SIPA1L2: variants seen among roughly 807,000 people sequenced by gnomAD.
SIPA1L2 encodes the protein signal induced proliferation associated 1 like 2, also known as signal-induced proliferation-associated 1-like protein 2.
SIPA1L2 carries 56 observed loss-of-function variants against 163.9 expected under a neutral mutation model. The observed-to-expected ratio is 0.34, with a 90% CI of 0.28 to 0.43. The LOEUF (loss-of-function observed/expected upper bound fraction) is 0.43. SIPA1L2 is among the 20% of genes least tolerant of loss of function. The pLI is 1.00. For missense variants in SIPA1L2, 1,974 were observed against 2,193.5 expected (o/e 0.90, Z 2.00); for synonymous variants, 877 against 865.7 (o/e 1.01, Z -0.23).
chr1:232,627,296 A>C (rs1402397753), intron 1 of SIPA1L2, among the ~76,000 whole-genome samples: 1 of 152,224 alleles, frequency 6.6e-6, no homozygotes, highest in Non-Finnish European at 1.5e-5. Context: ...AATCCCTTTA[A>C]ACTAGTTTCG....
intron 1 of SIPA1L2, among the ~76,000 whole-genome samples, chr1:232,606,281 T>C (rs554529070): frequency 1.8e-4 from 28 of 152,190 alleles, no homozygotes; most frequent in Non-Finnish European, 3.7e-4. Context: ...TTAACAGGCG[T>C]GAAAGAGGAA....
intron 2 of SIPA1L2, among the ~76,000 whole-genome samples, chr1:232,534,461 T>A (rs1657181892): frequency 6.6e-6 from 1 of 152,204 alleles, no homozygotes; most frequent in Admixed American, 6.5e-5. Flanking sequence ...GGAAGAACGC[T>A]TCACCATATA....
chr1:232,421,822 G>C (rs16857060), intron 18 of SIPA1L2, among the ~76,000 whole-genome samples: 1 of 152,252 alleles, frequency 6.6e-6, no homozygotes, highest in African/African-American at 2.4e-5. Context: ...TGTGATGTGC[G>C]TAGGTCAGAA....
chr1:232,580,419 G>C (rs1217901339), intron 1 of SIPA1L2, among the ~76,000 whole-genome samples: 1 of 152,140 alleles, frequency 6.6e-6, no homozygotes, highest in Non-Finnish European at 1.5e-5. Context: ...CTGTGACTAA[G>C]AATGTCTAAC....
At chr1:232,606,408 G>GT (rs1372815560) in intron 1 of SIPA1L2, among the ~76,000 whole-genome samples, 2 of 152,084 alleles carry the variant, frequency 1.3e-5, no homozygotes, top group African/African-American at 4.8e-5. Flanking sequence ...AGACATAGAA[G>GT]TTATCTGGGT....
intron 2 of SIPA1L2, among the ~76,000 whole-genome samples, chr1:232,547,054 A>T (rs536645933): frequency 7.4e-4 from 112 of 152,368 alleles, no homozygotes; most frequent in South Asian, 2.9e-3. Context: ...AGGATACACA[A>T]GAAACTAGTA....
chr1:232,557,207 T>C (rs2102734599), intron 2 of SIPA1L2, among the ~76,000 whole-genome samples: 1 of 152,158 alleles, frequency 6.6e-6, no homozygotes, highest in South Asian at 2.1e-4. Context: ...ACAGGACAAA[T>C]AGGAAGATAT....
chr1:232,624,840 G>C (rs1033613418), intron 1 of SIPA1L2, among the ~76,000 whole-genome samples: 7 of 152,218 alleles, frequency 4.6e-5, no homozygotes, highest in African/African-American at 1.7e-4. Flanking sequence ...AGACTGTGGT[G>C]TTCTTCCCCA....
chr1:232,629,418 C>T (rs1663250360), intron 1 of SIPA1L2, among the ~76,000 whole-genome samples: 1 of 152,188 alleles, frequency 6.6e-6, no homozygotes, highest in South Asian at 2.1e-4. Flanking sequence ...AGGGCGCGCG[C>T]TCCGGGCGCA....
chr1:232,468,250 G>A (rs1324713093), intron 8 of SIPA1L2, among the ~76,000 whole-genome samples: 1 of 152,148 alleles, frequency 6.6e-6, no homozygotes, highest in Non-Finnish European at 1.5e-5. Flanking sequence ...CAAATAACTC[G>A]ATAGCATTTA....
chr1:232,420,424 T>C (rs1310383751), intron 18 of SIPA1L2, among the ~76,000 whole-genome samples: 2 of 152,182 alleles, frequency 1.3e-5, no homozygotes, highest in Non-Finnish European at 2.9e-5. Context: ...AACTGTCTTG[T>C]CTCCTCAGTT....
chr1:232,529,592 T>C (rs1318649482), intron 2 of SIPA1L2, among the ~76,000 whole-genome samples: 3 of 152,184 alleles, frequency 2.0e-5, no homozygotes, highest in African/African-American at 7.2e-5. Context: ...TTTCCTGCTG[T>C]TGTTCTTGGC....
intron 1 of SIPA1L2, among the ~76,000 whole-genome samples, chr1:232,576,700 C>T (rs928544178): frequency 2.6e-5 from 4 of 152,104 alleles, no homozygotes; most frequent in Non-Finnish European, 1.5e-5. Flanking sequence ...ACAGCCAAGT[C>T]GCGAATACAA....
rs559460200 is a variant in SIPA1L2, at chr1:232,620,559, A to G, written c.-319+9310T>C. Among the ~76,000 whole-genome samples, 54 of 152,362 alleles carry G rather than the reference A, an allele frequency of 3.5e-4. No individual in the cohort carries two copies. In the South Asian group the frequency reaches 0.011, roughly 30 times the overall value. On this transcript the variant is annotated intron_variant, in intron 1 of 22. Coordinates refer to ENST00000674635, the MANE Select transcript of SIPA1L2 (RefSeq NM_020808.5). ...AGCTTATCTCAGAAAGAACTAAGTTACGGTGCCAAGCTAAGAGGATGAATT... is the reference window on the plus strand; with the variant it reads ...AGCTTATCTCAGAAAGAACTAAGTTGCGGTGCCAAGCTAAGAGGATGAATT...
chr1:232,402,387 A>T lies in SIPA1L2; in HGVS notation c.5022+5T>A. 1 of 1,612,402 alleles carries T rather than the reference A, an allele frequency of 6.2e-7. No homozygotes were observed. The highest frequency in any genetic ancestry group is 8.5e-7 in the Non-Finnish European group (1 of 1,178,788). On this transcript the variant is annotated splice_donor_5th_base_variant and intron_variant, in intron 22 of 22. Transcript: ENST00000674635. Reference sequence around the variant, plus strand: ...AGTTCTGATTATGCTCTTCCAATTGATTACCTTCCGAAGGTCGGTCTGGAG... The same window carrying T: ...AGTTCTGATTATGCTCTTCCAATTGTTTACCTTCCGAAGGTCGGTCTGGAG...
rs112082266 is a variant in SIPA1L2 at position 232,613,005 on chromosome 1, C to G, written c.-319+16864G>C. Among the ~76,000 whole-genome samples, 578 of 152,232 alleles carry G rather than the reference C, an allele frequency of 3.8e-3. 5 individuals are homozygous for G. Among genetic ancestry groups the G allele is most frequent in the African/African-American group, 0.012 (509 of 41,518 alleles). ...TTTCCCCCATACTGTTCTCGTGGTACTGAATAAGTCTCACGAGATCTGATG... is the reference window on the plus strand; with the variant it reads ...TTTCCCCCATACTGTTCTCGTGGTAGTGAATAAGTCTCACGAGATCTGATG... On this transcript the variant is annotated intron_variant, in intron 1 of 22. Transcript: ENST00000674635.
intron 15 of SIPA1L2, among the ~76,000 whole-genome samples, chr1:232,437,034 T>C (rs1662606605): frequency 6.6e-6 from 1 of 152,186 alleles, no homozygotes; most frequent in African/African-American, 2.4e-5. Context: ...AAATCCAATC[T>C]AGCACTGTCA....
chr1:232,476,778 A>C (rs1372986450), intron 7 of SIPA1L2, among the ~76,000 whole-genome samples: 1 of 152,204 alleles, frequency 6.6e-6, no homozygotes, highest in African/African-American at 2.4e-5. Context: ...CTTTTAATAC[A>C]TCTTGGAATT....
At chr1:232,526,718 A>G (rs185577379) in intron 2 of SIPA1L2, among the ~76,000 whole-genome samples, 1 of 152,288 alleles carries the variant, frequency 6.6e-6, no homozygotes, top group Non-Finnish European at 1.5e-5. Context: ...TAACCCTAAA[A>G]TTAGACTTAT....
Sources: gnomAD v4.1 joint callset for allele counts (sites outside exome capture counted in the v4.1 genomes callset) on GRCh38, gnomAD v4.1.1 for gene constraint, MANE v1.5 for transcripts, NCBI Gene and HGNC (gene_info 2026-07-23, HGNC 2026-07-21) for gene names.